The following ARHGDIB variants were observed in gnomAD, a reference collection of about 807,000 sequenced individuals.
ARHGDIB encodes the protein Rho GDP dissociation inhibitor beta.
A neutral mutation model predicts 22.6 loss-of-function variants in ARHGDIB; 20 were observed. The observed-to-expected ratio is 0.88, with a 90% CI of 0.62 to 1.28. ARHGDIB has a LOEUF of 1.28. Among genes scored for constraint, ARHGDIB ranks in the 50% most tolerant of loss-of-function variants. The pLI is 0.00. For synonymous variants in ARHGDIB, 114 were observed against 96.1 expected, an observed-to-expected ratio of 1.19 and a Z score of -1.09; for missense variants, 254 against 245.4, an observed-to-expected ratio of 1.04 and a Z score of -0.23.
At chr12:14,948,968 A>C (rs1487060084) in intron 3 of ARHGDIB, 1 of 152,418 alleles carries the variant, frequency 6.6e-6, no homozygotes. Context: ...TCTGACAAAA[A>C]AGCCCATATA....
intron 1 of ARHGDIB, among the ~76,000 whole-genome samples, chr12:14,954,190 G>A (rs887347489): frequency 6.6e-6 from 1 of 152,084 alleles, no homozygotes; most frequent in Admixed American, 6.6e-5. Flanking sequence ...TTTTGCCCAG[G>A]CTGGTCTTGA....
intron 3 of ARHGDIB, 121 bp from the exon 4 acceptor site, chr12:14,948,070 C>A (rs1864066582): frequency 1.5e-6 from 1 of 656,960 alleles, no homozygotes. Flanking sequence ...ACAGGGCCCT[C>A]AATTCACAGA....
chr12:14,949,440 C>A (rs897222693), intron 3 of ARHGDIB, among the ~76,000 whole-genome samples: 4 of 151,838 alleles, frequency 2.6e-5, no homozygotes, highest in Admixed American at 1.3e-4. Context: ...AAGATCAATA[C>A]TTTGATGTTT....
intron 1 of ARHGDIB, among the ~76,000 whole-genome samples, chr12:14,952,582 GA>G (rs1456301864): frequency 6.6e-6 from 1 of 152,156 alleles, no homozygotes; most frequent in South Asian, 2.1e-4. Context: ...GAACTGGTTG[GA>G]AAAAAATGAA....
At chr12:14,950,907 T>C (rs1864160830) in intron 1 of ARHGDIB, 183 bp from the exon 2 acceptor site, 3 of 510,482 alleles carry the variant, frequency 5.9e-6, no homozygotes, top group Admixed American at 3.8e-5. Flanking sequence ...ATTCTAGTAA[T>C]TTCTCTGACC....
At chr12:14,959,331 T>C (rs564384099) in intron 1 of ARHGDIB, among the ~76,000 whole-genome samples, 14 of 152,156 alleles carry the variant, frequency 9.2e-5, no homozygotes, top group Non-Finnish European at 2.1e-4. Context: ...GGCGGGAGGA[T>C]CACGTGAGCC....
chr12:14,956,314 C>A (rs1279191011), intron 1 of ARHGDIB: 2 of 152,198 alleles, frequency 1.3e-5, no homozygotes, highest in Non-Finnish European at 2.9e-5. Flanking sequence ...CTTAACCTCA[C>A]TGGGCCCCAG....
At chr12:14,951,545 T>C (rs1864176307) in intron 1 of ARHGDIB, among the ~76,000 whole-genome samples, 1 of 152,014 alleles carries the variant, frequency 6.6e-6, no homozygotes, top group East Asian at 1.9e-4. Flanking sequence ...GCCCTTAGCA[T>C]TTGTCCATCC....
At chr12:14,942,773 T>G (rs10772822) in intron 5 of ARHGDIB, 52 bp from the exon 6 acceptor site, 1 of 1,516,372 alleles carries the variant, frequency 6.6e-7, no homozygotes, top group Non-Finnish European at 9.1e-7. Flanking sequence ...AGGAAAAACA[T>G]ACACTGCAAA....
In ARHGDIB at chr12:14,942,469, A is replaced by C; in HGVS notation, c.*53T>G. 2 of 1,594,210 alleles carry C rather than the reference A, an allele frequency of 1.3e-6. No individual in the cohort carries two copies. Among genetic ancestry groups the C allele is most frequent in the African/African-American group, 1.3e-5 (1 of 74,660 alleles). On this transcript the variant is annotated 3_prime_UTR_variant, in exon 6 of 6. Transcript: ENST00000228945. ...AGGGAGGAGGGACAGGGTGCTGAACACGCCTGAGAGAATTCTTCCAGGTGG... is the reference window on the plus strand; with the variant it reads ...AGGGAGGAGGGACAGGGTGCTGAACCCGCCTGAGAGAATTCTTCCAGGTGG...
chr12:14,950,753 C>A, intron 1 of ARHGDIB, 29 bp from the exon 2 acceptor site: 1 of 1,551,118 alleles, frequency 6.4e-7, no homozygotes, highest in South Asian at 1.2e-5. Flanking sequence ...GCCCGTTAGT[C>A]AACAAGTCAT....
rs114709680 is a variant in ARHGDIB at position 14,952,712 on chromosome 12, G to C, written c.-12-1988C>G. Among the ~76,000 whole-genome samples the C allele has an allele frequency of 8.5e-3, 1,294 of 152,286 alleles. 15 individuals carry two copies. The highest frequency in any genetic ancestry group is 0.027 in the African/African-American group (1,119 of 41,562). On this transcript the variant is annotated intron_variant, in intron 1 of 5. Coordinates refer to ENST00000228945, the MANE Select transcript of ARHGDIB (RefSeq NM_001175.7). ...AGACAGGGGCATACCCAGAACCCTG[G>C]TGATCCCCGGAGGATGGGGGCCACA... is the stretch of plus-strand genomic sequence containing the variant.
At chr12:14,953,926 TTTCCTTCC>T (rs549059451) in intron 1 of ARHGDIB, among the ~76,000 whole-genome samples, 1,635 of 150,582 alleles carry the variant, frequency 0.011, 13 homozygotes, top group Non-Finnish European at 0.016. Context: ...CTCTCCCTTC[TTTCCTTCC>T]TTCCTTCCTT....
intron 4 of ARHGDIB, among the ~76,000 whole-genome samples, chr12:14,945,097 T>C (rs1863980194): frequency 6.6e-6 from 1 of 152,156 alleles, no homozygotes; most frequent in Non-Finnish European, 1.5e-5. Context: ...AGAGGAGTGG[T>C]TCATTAAAAC....
chr12:14,950,003 A>C (rs1424892163), intron 2 of ARHGDIB, 118 bp from the exon 3 acceptor site: 9 of 929,724 alleles, frequency 9.7e-6, no homozygotes, highest in Non-Finnish European at 1.4e-5. Context: ...TCTGGAGTAG[A>C]AATAGAAATG....
intron 1 of ARHGDIB, among the ~76,000 whole-genome samples, chr12:14,954,428 C>A: frequency 6.6e-6 from 1 of 152,320 alleles, no homozygotes; most frequent in South Asian, 2.1e-4. Flanking sequence ...GGCAGAGAAG[C>A]CCAGGTGCAC....
chr12:14,956,457 T>C (rs1207407526), intron 1 of ARHGDIB: 1 of 152,144 alleles, frequency 6.6e-6, no homozygotes, highest in Admixed American at 6.6e-5. Flanking sequence ...AAAAGGGAGA[T>C]TGGGGAGGAC....
intron 4 of ARHGDIB, 21 bp downstream of exon 4, chr12:14,947,852 C>T (rs1230942623): frequency 6.4e-7 from 1 of 1,562,538 alleles, no homozygotes; most frequent in Non-Finnish European, 8.8e-7. Context: ...TTTACAAAAA[C>T]ACACAAGGCA....
At chr12:14,959,303 A>C (rs1261662224) in intron 1 of ARHGDIB, among the ~76,000 whole-genome samples, 1 of 152,138 alleles carries the variant, frequency 6.6e-6, no homozygotes, top group Non-Finnish European at 1.5e-5. Context: ...CTATAGTCCC[A>C]GCTACTCGGG....
Sources: allele counts gnomAD v4.1 joint callset (sites outside exome capture counted in the v4.1 genomes callset), GRCh38; gene constraint gnomAD v4.1.1; transcripts MANE v1.5; gene names NCBI Gene and HGNC (gene_info 2026-07-23, HGNC 2026-07-21).